The following BLM variants were observed in gnomAD, a reference collection of about 807,000 sequenced individuals.
BLM encodes the protein recQ-like DNA helicase BLM.
A neutral mutation model predicts 135.3 loss-of-function variants in BLM; 95 were observed. The ratio of observed to expected loss-of-function variants is 0.70; its 90% CI spans 0.59 to 0.83. The LOEUF is 0.83. Among genes scored for constraint, BLM ranks in the 40% least tolerant of loss-of-function variants. BLM has a pLI of 0.00. For missense variants in BLM, 1,518 were observed against 1,663.9 expected, an observed-to-expected ratio of 0.91 and a Z score of 1.53; for synonymous variants, 520 against 589.2, an observed-to-expected ratio of 0.88 and a Z score of 1.70.
chr15:90,765,086 C>CA (rs958353673), intron 8 of BLM, among the ~76,000 whole-genome samples: 9 of 151,194 alleles, frequency 6.0e-5, no homozygotes, highest in East Asian at 1.9e-4. Flanking sequence ...AAAACAAAAA[C>CA]AAAAAAAACA....
At chr15:90,806,265 C>G (rs1476818635) in intron 19 of BLM, among the ~76,000 whole-genome samples, 2 of 152,124 alleles carry the variant, frequency 1.3e-5, no homozygotes, top group African/African-American at 4.8e-5. Flanking sequence ...AATCCCTGCA[C>G]TTTGGGAGGC....
chr15:90,774,024 T>C (rs570715109), intron 12 of BLM, among the ~76,000 whole-genome samples: 3 of 151,700 alleles, frequency 2.0e-5, no homozygotes, highest in African/African-American at 7.2e-5. Flanking sequence ...ATTAACCTTT[T>C]CAATTCAAGG....
chr15:90,743,584 A>G (rs572981177), intron 1 of BLM, among the ~76,000 whole-genome samples: 32 of 152,016 alleles, frequency 2.1e-4, no homozygotes, highest in Non-Finnish European at 4.0e-4. Flanking sequence ...GCTATAGTGC[A>G]GTGGCTGTTT....
Position 90,763,227 on chromosome 15 carries a change from A to G in BLM, c.2074+70A>G. 3 of 1,498,892 alleles carry G rather than the reference A, an allele frequency of 2.0e-6. No homozygotes were observed. The South Asian group carries it at 3.4e-5, about 17-fold the overall frequency. The allele number at this position is 1,498,892 out of a possible 1,614,324, so 92.8% of individuals were successfully genotyped here. On this transcript the variant is annotated intron_variant, in intron 8 of 21. Transcript: ENST00000355112. ...GTTAAATGAAAGCTCTTTAATAGAA[A>G]TAAAAAGACCACCTACACAGTATTT...
rs1458732220 is a variant in BLM, at chr15:90,747,437, T to C, written c.45T>C (p.Arg15=). The C allele has an allele frequency of 6.2e-7, 1 of 1,611,756 alleles. No individual in the cohort carries two copies. Among genetic ancestry groups the C allele is most frequent in the East Asian group, 2.2e-5 (1 of 44,856 alleles). Reference sequence around the variant, plus strand: ...ATAATCTACAGGAGCAACTAGAACGTCACTCAGCCAGAACACTTAATAATA... The same window carrying C: ...ATAATCTACAGGAGCAACTAGAACGCCACTCAGCCAGAACACTTAATAATA... ...PQNNLQEQLE[R]HSARTLNNKL... The change falls in exon 2 of 22, where the codon CGT becomes CGC. Residue 15 remains arginine, a synonymous_variant. Coordinates refer to ENST00000355112, the MANE Select transcript of BLM (RefSeq NM_000057.4).
intron 1 of BLM, among the ~76,000 whole-genome samples, chr15:90,738,618 A>G (rs1175704710): frequency 6.6e-6 from 1 of 150,762 alleles, no homozygotes; most frequent in Non-Finnish European, 1.5e-5. Flanking sequence ...ATACAGCTCA[A>G]CAAATAACCC....
rs144699081 is a variant in BLM at position 90,752,779 on chromosome 15, C to T, written c.959+833C>T. 7.4e-4 allele frequency among the ~76,000 whole-genome samples: 112 copies of T among 152,316 alleles called. 1 individual carries two copies. Among genetic ancestry groups the T allele is most frequent in the African/African-American group, 2.6e-3 (106 of 41,564 alleles). ...CCTTCGTCCTCATCCCAGTCTCACT[C>T]TCAGACCAGTTGAGTGGTAGAGTAT... On this transcript the variant is annotated intron_variant, in intron 4 of 21. Transcript: ENST00000355112.
intron 5 of BLM, among the ~76,000 whole-genome samples, chr15:90,757,302 G>A (rs1335827911): frequency 6.6e-6 from 1 of 152,092 alleles, no homozygotes; most frequent in African/African-American, 2.4e-5. Context: ...TCACACACGT[G>A]TCAGTGACAG....
rs587779888 is a variant in BLM at position 90,804,359 on chromosome 15, G to C, written c.3751G>C (p.Glu1251Gln). The change falls in exon 19 of 22, where the codon GAA (glutamate) becomes CAA (glutamine). Residue 1251 changes from glutamate (E) to glutamine (Q), a missense_variant and splice_region_variant. Transcript: ENST00000355112. ...TACCGTCACTCTCAAGAAGCTTGCAGGTGGGTACACATGTATCCTTTGTTA... is the reference window on the plus strand; with the variant it reads ...TACCGTCACTCTCAAGAAGCTTGCACGTGGGTACACATGTATCCTTTGTTA... Reference protein sequence around the residue: ...FNTVTLKKLAESLSSDPEVLL... With the variant: ...FNTVTLKKLAQSLSSDPEVLL... 7.4e-6 allele frequency: 12 copies of C among 1,612,840 alleles called. No homozygotes were observed. The highest frequency in any genetic ancestry group is 4.2e-6 in the Non-Finnish European group (5 of 1,178,958).
chr15:90,797,414 CAAAAAA>C (rs56369282), intron 16 of BLM, among the ~76,000 whole-genome samples: 11 of 109,574 alleles, frequency 1.0e-4, no homozygotes, highest in African/African-American at 1.3e-4. Flanking sequence ...AACTCCATCT[CAAAAAA>C]AAAAAAAAAA....
chr15:90,787,105 A>G (rs913087881), intron 14 of BLM, among the ~76,000 whole-genome samples: 1 of 116,564 alleles, frequency 8.6e-6, no homozygotes, highest in Non-Finnish European at 1.6e-5. Flanking sequence ...GCTGGAGTGC[A>G]GTGGCGCGAT....
chr15:90,720,691 C>T (rs1330501068), intron 1 of BLM, among the ~76,000 whole-genome samples: 1 of 151,874 alleles, frequency 6.6e-6, no homozygotes, highest in Non-Finnish European at 1.5e-5. Flanking sequence ...AAGTGATCCT[C>T]CCACCTCAGC....
intron 19 of BLM, chr15:90,808,757 A>G: frequency 3.0e-6 from 1 of 333,320 alleles, no homozygotes; most frequent in Non-Finnish European, 5.8e-6. Flanking sequence ...CTGGAAATAG[A>G]AATGCAGCGT....
intron 15 of BLM, among the ~76,000 whole-genome samples, chr15:90,792,094 CT>C (rs796474506): frequency 0.18 from 23,924 of 134,252 alleles, 1,623 homozygotes; most frequent in Non-Finnish European, 0.19. Flanking sequence ...TTTTTTTTTT[CT>C]TTTTTTTTTT....
At chr15:90,750,946 G>A (rs1007682536) in intron 3 of BLM, among the ~76,000 whole-genome samples, 5 of 152,186 alleles carry the variant, frequency 3.3e-5, no homozygotes, top group Non-Finnish European at 5.9e-5. Context: ...ATCCATAGAG[G>A]TTAAAATGGT....
chr15:90,777,484 C>T (rs1896510804), intron 12 of BLM, among the ~76,000 whole-genome samples: 2 of 152,174 alleles, frequency 1.3e-5, no homozygotes, highest in South Asian at 4.1e-4. Context: ...CTATTTAGTA[C>T]ACATCCCATG....
At chr15:90,791,873 C>T (rs1490269869) in intron 15 of BLM, among the ~76,000 whole-genome samples, 2 of 152,128 alleles carry the variant, frequency 1.3e-5, no homozygotes, top group East Asian at 3.9e-4. Context: ...CTCCTGACCT[C>T]AGGTGATCCG....
chr15:90,769,571 T>G lies in BLM; in HGVS notation c.2540T>G (p.Ile847Ser), dbSNP rs756664681. The change falls in exon 12 of 22, where the codon ATT becomes AGT. Residue 847 changes from isoleucine to serine, a missense_variant. Ile to Ser is a moderately radical substitution (Grantham distance 142). This residue lies in a region of BLM where 626 missense variants were observed against 681.1 expected (regional missense o/e 0.92). Coordinates refer to ENST00000355112, the MANE Select transcript of BLM (RefSeq NM_000057.4). ...AAGGACATCCTGACTCAGCTGAAGA[T>G]TCTCAGACCTCAGGTGTAAGTTGTT... ...VQKDILTQLKILRPQVFSMSF... is the reference protein window; with the variant it reads ...VQKDILTQLKSLRPQVFSMSF... 6.2e-6 allele frequency: 10 copies of G among 1,613,826 alleles called. No individual in the cohort carries two copies. Among genetic ancestry groups the G allele is most frequent in the South Asian group, 2.2e-5 (2 of 91,078 alleles).
chr15:90,797,159 ATCCCAGCACTT>A (rs1330218804), intron 16 of BLM, among the ~76,000 whole-genome samples: 2 of 152,136 alleles, frequency 1.3e-5, no homozygotes, highest in Non-Finnish European at 2.9e-5. Context: ...CACACCTGTA[ATCCCAGCACTT>A]TGGGAGGCTG....
Sources: allele counts gnomAD v4.1 joint callset (sites outside exome capture counted in the v4.1 genomes callset), GRCh38; gene constraint gnomAD v4.1.1; regional missense constraint gnomAD v4.1.1; transcripts MANE v1.5; gene names NCBI Gene and HGNC (gene_info 2026-07-23, HGNC 2026-07-21).